DOP1B: variants seen among roughly 807,000 people sequenced by gnomAD.
The protein encoded by DOP1B is protein DOP1B.
Under a neutral mutation model 233.5 loss-of-function variants are expected in DOP1B, and 174 were observed. The ratio of observed to expected loss-of-function variants is 0.75; its 90% CI spans 0.66 to 0.85. DOP1B has a LOEUF of 0.85. DOP1B is among the 40% of genes least tolerant of loss of function. The pLI is 0.00. For missense variants in DOP1B, 2,652 were observed against 2,846.6 expected (o/e 0.93, Z 1.56); for synonymous variants, 1,190 against 1,185.6 (o/e 1.00, Z -0.08).
At position 36,245,384 on chromosome 21, in the gene DOP1B, T is replaced by C. The variant is rs1175689020; in HGVS notation, c.3404T>C (p.Leu1135Pro). 18 of 1,614,096 alleles carry C rather than the reference T, an allele frequency of 1.1e-5. No individual in the cohort carries two copies. Among genetic ancestry groups the C allele is most frequent in the Non-Finnish European group, 1.5e-5 (18 of 1,180,040 alleles). ...TCCTTCTCCTCCCCTTCCCACGACC[T>C]GCAGGAGCTGAGCAACGAAGAGAAC... is the stretch of plus-strand genomic sequence containing the variant. ...TSSFSSPSHD[L>P]QELSNEENCC... is the part of the protein sequence containing the mutation. The change falls in exon 19 of 37, where the codon CTG becomes CCG. Residue 1135 changes from leucine (L) to proline (P), a missense_variant. Physicochemically the swap from Leu to Pro is moderately conservative, Grantham distance 98. This residue lies in a region of DOP1B where 2,617 missense variants were observed against 2,794.3 expected (regional missense o/e 0.94). Coordinates refer to ENST00000691173, the MANE Select transcript of DOP1B (RefSeq NM_001320714.2). This position sits in a 1 kb window ranked among gnomAD's most constrained non-coding sequence, Gnocchi z 5.5.
Position 36,246,634 on chromosome 21 carries a change from T to G in DOP1B, c.4654T>G (p.Leu1552Val). 1 of 1,614,022 alleles carries G rather than the reference T, an allele frequency of 6.2e-7. No individual in the cohort carries two copies. The highest frequency in any genetic ancestry group is 8.5e-7 in the Non-Finnish European group (1 of 1,180,002). Residue 1552 changes from leucine (L) to valine (V), a missense_variant, in exon 19 of 37, where the codon TTG becomes GTG. This residue lies in a region of DOP1B where 2,617 missense variants were observed against 2,794.3 expected (regional missense o/e 0.94). Transcript: ENST00000691173. This position sits in a 1 kb window ranked among gnomAD's most constrained non-coding sequence, Gnocchi z 5.1. The stretch of plus-strand genomic sequence containing the variant: ...CCAGATTTGCAAAAACTTGGATGAC[T>G]TGGTCAAGCAGTATGAAAGCGAATC... ...VVQICKNLDD[L>V]VKQYESESVK... is the part of the protein sequence containing the mutation.
chr21:36,164,646 T>A, intron 1 of DOP1B, 62 bp from the exon 2 acceptor site: 1 of 1,350,328 alleles, frequency 7.4e-7, no homozygotes, highest in South Asian at 1.6e-5. Flanking sequence ...TAGCTCTGGG[T>A]TGGGAATGAT....
intron 2 of DOP1B, among the ~76,000 whole-genome samples, chr21:36,177,121 C>T (rs1171599393): frequency 1.3e-5 from 2 of 152,120 alleles, no homozygotes; most frequent in South Asian, 2.1e-4. Context: ...TCCTAACTCC[C>T]ATTTCTAAGG....
At chr21:36,190,636 G>T (rs1477346951) in intron 2 of DOP1B, among the ~76,000 whole-genome samples, 1 of 152,122 alleles carries the variant, frequency 6.6e-6, no homozygotes, top group African/African-American at 2.4e-5. Flanking sequence ...GACCTCAAGC[G>T]ATCTACCTGC....
At chr21:36,254,808 A>G (rs2067073855) in intron 23 of DOP1B, among the ~76,000 whole-genome samples, 1 of 152,160 alleles carries the variant, frequency 6.6e-6, no homozygotes, top group Non-Finnish European at 1.5e-5. Context: ...TGGTGTCCCC[A>G]TCCTAGGGAT....
intron 27 of DOP1B, among the ~76,000 whole-genome samples, chr21:36,273,871 C>T (rs988513593): frequency 3.9e-5 from 6 of 151,958 alleles, no homozygotes; most frequent in African/African-American, 9.7e-5. Context: ...GTCAGGAGAT[C>T]GAGACCATCC....
At chr21:36,239,509 C>T (rs2066867571) in intron 17 of DOP1B, among the ~76,000 whole-genome samples, 1 of 152,192 alleles carries the variant, frequency 6.6e-6, no homozygotes, top group African/African-American at 2.4e-5. Context: ...TGCCTGAGGC[C>T]CAGGCCCAGA....
Position 36,247,463 on chromosome 21 carries a change from T to A in DOP1B, c.4698-54T>A, listed in dbSNP as rs1195769032. 12 of 1,339,298 alleles carry A rather than the reference T, an allele frequency of 9.0e-6. No individual in the cohort carries two copies. In the East Asian group the frequency reaches 2.8e-4, roughly 31 times the overall value. 83.0% of individuals were successfully genotyped at this position (1,339,298 alleles called of 1,614,324 possible). ...GTTTATATATAGGATTAGAAACCCT[T>A]ATGGCCTCATTCTTTAAAAATTCTC... On this transcript the variant is annotated intron_variant, in intron 19 of 36. Coordinates refer to ENST00000691173, the MANE Select transcript of DOP1B (RefSeq NM_001320714.2).
At chr21:36,176,105 T>TGTGTGTGTGTGTGTGTGC (rs2066026180) in intron 2 of DOP1B, among the ~76,000 whole-genome samples, 1 of 151,518 alleles carries the variant, frequency 6.6e-6, no homozygotes, top group Non-Finnish European at 1.5e-5. Context: ...TGCGTGTGTG[T>TGTGTGTGTGTGTGTGTGC]GTGTGTGTGT....
At position 36,245,677 on chromosome 21, in the gene DOP1B, C is replaced by T. The variant is rs1225046616; in HGVS notation, c.3697C>T (p.Gln1233Ter). The change falls in exon 19 of 37, where the codon CAG becomes TAG. Residue 1233 changes from glutamine to a stop codon, truncating the protein, a stop_gained. Transcript: ENST00000691173. LOFTEE classifies it high-confidence loss of function. This position sits in a 1 kb window ranked among gnomAD's most constrained non-coding sequence, Gnocchi z 5.5. ...GTTCAAGCACATCCTGCTCTACCTG[C>T]AGCCCTACGACTCTCGGCGGGTCCT... ...ALFKHILLYL[Q>*]PYDSRRVLYA... The T allele has an allele frequency of 6.2e-7, 1 of 1,613,754 alleles. No homozygotes were observed.
intron 23 of DOP1B, among the ~76,000 whole-genome samples, chr21:36,255,084 G>A (rs1256957332): frequency 1.3e-5 from 2 of 151,634 alleles, no homozygotes; most frequent in African/African-American, 4.9e-5. Flanking sequence ...TGGGTAGCTG[G>A]GAGTACAGGT....
chr21:36,292,096 C>T lies in DOP1B; in HGVS notation c.6516-8C>T. 3.1e-6 allele frequency: 5 copies of T among 1,588,748 alleles called. No individual in the cohort carries two copies. The Admixed American group carries it at 7.7e-5, about 24-fold the overall frequency. ...CAGCAGACCTGACCTTCTGTTTGTTCCCTGCAGTTATAGGTGGGCATTTAT... is the reference window on the plus strand; with the variant it reads ...CAGCAGACCTGACCTTCTGTTTGTTTCCTGCAGTTATAGGTGGGCATTTAT... On this transcript the variant is annotated splice_region_variant and splice_polypyrimidine_tract_variant and intron_variant, in intron 35 of 36. Coordinates refer to ENST00000691173, the MANE Select transcript of DOP1B (RefSeq NM_001320714.2).
chr21:36,289,359 A>G (rs914228481), intron 35 of DOP1B, among the ~76,000 whole-genome samples, 153 bp downstream of exon 35: 2 of 151,908 alleles, frequency 1.3e-5, no homozygotes, highest in African/African-American at 4.8e-5. Flanking sequence ...CAAGTTTCAG[A>G]TTACTTGCAA....
At chr21:36,235,362 A>G (rs987224375) in intron 15 of DOP1B, among the ~76,000 whole-genome samples, 2 of 152,108 alleles carry the variant, frequency 1.3e-5, no homozygotes, top group Admixed American at 6.6e-5. Context: ...CTTATCAGGT[A>G]GTGTTGGCAG....
intron 2 of DOP1B, among the ~76,000 whole-genome samples, chr21:36,173,140 A>G (rs968815043): frequency 6.6e-6 from 1 of 152,150 alleles, no homozygotes; most frequent in African/African-American, 2.4e-5. Context: ...TGAGAGTTGA[A>G]TTAGCAAAAT....
chr21:36,176,122 G>GTGTGTGTGTGTGTGTGTGTGTGT (rs55642925), intron 2 of DOP1B, among the ~76,000 whole-genome samples: 9 of 150,880 alleles, frequency 6.0e-5, no homozygotes, highest in Non-Finnish European at 7.4e-5. Context: ...GTGTGTGTGT[G>GTGTGTGTGTGTGTGTGTGTGTGT]GTGATACAGT....
At position 36,231,097 on chromosome 21, in the gene DOP1B, G is replaced by C; in HGVS notation, c.2313G>C (p.Glu771Asp). Reference protein sequence around the residue: ...ATFPVYLSEEETEQLCATLFQ... With the variant: ...ATFPVYLSEEDTEQLCATLFQ... The stretch of plus-strand genomic sequence containing the variant: ...TCCCTGTCTACCTGTCCGAGGAAGA[G>C]ACCGAGCAGCTCTGTGCAACGCTCT... Residue 771 changes from glutamate (E) to aspartate (D), a missense_variant, in exon 14 of 37, where the codon GAG becomes GAC. Physicochemically the swap from Glu to Asp is conservative, Grantham distance 45. Around this residue, in one of 3 missense-constraint regions of DOP1B, gnomAD observed 2,617 missense variants for 2,794.3 expected, o/e 0.94. Coordinates refer to ENST00000691173, the MANE Select transcript of DOP1B (RefSeq NM_001320714.2). 1 of 1,610,010 alleles carries C rather than the reference G, an allele frequency of 6.2e-7. No homozygotes were observed. Among genetic ancestry groups the C allele is most frequent in the Non-Finnish European group, 8.5e-7 (1 of 1,177,970 alleles).
intron 27 of DOP1B, among the ~76,000 whole-genome samples, chr21:36,270,446 G>T (rs2067274813): frequency 6.6e-6 from 1 of 150,832 alleles, no homozygotes; most frequent in South Asian, 2.1e-4. Flanking sequence ...CCAGCTACTT[G>T]GGAGGCTGAG....
chr21:36,262,079 T>C (rs1298300866), intron 24 of DOP1B, among the ~76,000 whole-genome samples: 1 of 152,146 alleles, frequency 6.6e-6, no homozygotes, highest in Non-Finnish European at 1.5e-5. Context: ...CACCACATTC[T>C]GAAGTTGCAG....
Sources: gnomAD v4.1 joint callset for allele counts (sites outside exome capture counted in the v4.1 genomes callset) on GRCh38, gnomAD v4.1.1 for gene constraint, gnomAD v4.1.1 regional missense constraint, Gnocchi (gnomAD v3.1) non-coding constraint, MANE v1.5 for transcripts, NCBI Gene and HGNC (gene_info 2026-07-23, HGNC 2026-07-21) for gene names.